FOXO3: variants seen among roughly 807,000 people sequenced by gnomAD.
FOXO3 encodes the protein forkhead box O3, also known as forkhead box protein O3.
A neutral mutation model predicts 41.9 loss-of-function variants in FOXO3; 4 were observed. The ratio of observed to expected loss-of-function variants is 0.10; its 90% CI spans 0.05 to 0.22. The LOEUF (loss-of-function observed/expected upper bound fraction) is 0.22. Among genes scored for constraint, FOXO3 ranks in the 10% least tolerant of loss-of-function variants. FOXO3 has a pLI of 1.00. For synonymous variants in FOXO3, 318 were observed against 389.3 expected (o/e 0.82, Z 2.16); for missense variants, 534 against 906.8 (o/e 0.59, Z 5.28).
chr6:108,575,055 T>G (rs552116842), intron 1 of FOXO3, among the ~76,000 whole-genome samples: 2 of 152,312 alleles, frequency 1.3e-5, no homozygotes, highest in Admixed American at 1.3e-4. Flanking sequence ...AAGGGACAAC[T>G]CTGGGTACAA....
At chr6:108,594,009 G>A (rs1038215086) in intron 1 of FOXO3, among the ~76,000 whole-genome samples, 6 of 152,152 alleles carry the variant, frequency 3.9e-5, no homozygotes, top group East Asian at 3.9e-4. Context: ...GTGAGCCACC[G>A]TGACCGGCCT....
Position 108,606,465 on chromosome 6 carries a change from A to G in FOXO3, c.621+44636A>G, listed in dbSNP as rs139516206. ...CTTTGGGTTCTTGACACACATGGCA[A>G]TGCCACTGGTATAACAGAAAGTCAG... is the stretch of plus-strand genomic sequence containing the variant. On this transcript the variant is annotated intron_variant, in intron 1 of 2. Transcript: ENST00000406360. Among the ~76,000 whole-genome samples, 163 of 152,340 alleles carry G rather than the reference A, an allele frequency of 1.1e-3. 1 individual carries two copies. The Middle Eastern group carries it at 0.017, about 16-fold the overall frequency.
intron 1 of FOXO3, among the ~76,000 whole-genome samples, chr6:108,565,252 G>A (rs765079808): frequency 1.1e-4 from 17 of 152,194 alleles, no homozygotes; most frequent in Non-Finnish European, 2.1e-4. Context: ...AACAAAAAGA[G>A]GAAGCCCTTG....
At chr6:108,633,450 A>G (rs941168930) in intron 1 of FOXO3, among the ~76,000 whole-genome samples, 21 of 152,206 alleles carry the variant, frequency 1.4e-4, no homozygotes, top group Admixed American at 2.6e-4. Flanking sequence ...GATATATGCA[A>G]CTTAAAAAAA....
chr6:108,613,396 T>C (rs1777414769), intron 1 of FOXO3, among the ~76,000 whole-genome samples: 1 of 152,244 alleles, frequency 6.6e-6, no homozygotes, highest in South Asian at 2.1e-4. Flanking sequence ...TAACTGCTAA[T>C]TCAATTTATT....
intron 1 of FOXO3, among the ~76,000 whole-genome samples, chr6:108,595,670 C>T (rs934353576): frequency 1.3e-5 from 2 of 152,096 alleles, no homozygotes; most frequent in Non-Finnish European, 2.9e-5. Context: ...AAAGCAAAAA[C>T]CATATAAAAT....
chr6:108,601,562 C>T (rs1777057251), intron 1 of FOXO3, among the ~76,000 whole-genome samples: 1 of 152,192 alleles, frequency 6.6e-6, no homozygotes, highest in African/African-American at 2.4e-5. Context: ...CCTTGGCCTC[C>T]CAAAGGGCTG....
intron 1 of FOXO3, among the ~76,000 whole-genome samples, chr6:108,647,019 T>C (rs1443976395): frequency 6.6e-6 from 1 of 152,230 alleles, no homozygotes; most frequent in South Asian, 2.1e-4. Context: ...AGCGTAGTAC[T>C]GCACAAAAGA....
intron 1 of FOXO3, among the ~76,000 whole-genome samples, chr6:108,582,986 C>T (rs1776472701): frequency 6.6e-6 from 1 of 152,098 alleles, no homozygotes; most frequent in Non-Finnish European, 1.5e-5. Flanking sequence ...AGTCCTGAAA[C>T]GCAGTGCCTT....
At chr6:108,559,985 C>T (rs534832468), upstream of FOXO3, 1 of 151,870 alleles carries the variant, frequency 6.6e-6, no homozygotes, top group African/African-American at 2.4e-5. Context: ...CGTGCGTCGT[C>T]CCGCCGCGTC....
intron 1 of FOXO3, among the ~76,000 whole-genome samples, chr6:108,656,044 T>TG (rs935278339): frequency 4.1e-4 from 62 of 152,034 alleles, no homozygotes; most frequent in African/African-American, 1.4e-3. Context: ...GCAGTCGGCC[T>TG]GGTGGGAAGT....
chr6:108,622,623 C>G (rs1362945447), intron 1 of FOXO3, among the ~76,000 whole-genome samples: 1 of 152,124 alleles, frequency 6.6e-6, no homozygotes, highest in Admixed American at 6.5e-5. Flanking sequence ...AACTACCACA[C>G]AAATCCTGAC....
At chr6:108,662,694 GAAAAT>G (rs941340661) in intron 1 of FOXO3, among the ~76,000 whole-genome samples, 10 of 152,322 alleles carry the variant, frequency 6.6e-5, no homozygotes, top group African/African-American at 2.2e-4. Flanking sequence ...GGGACCATGA[GAAAAT>G]AAAATAGCCC....
At chr6:108,617,370 C>G (rs577315729) in intron 1 of FOXO3, among the ~76,000 whole-genome samples, 2 of 152,038 alleles carry the variant, frequency 1.3e-5, no homozygotes, top group Admixed American at 1.3e-4. Context: ...ACTTGGATAC[C>G]AGGCATTGTG....
In FOXO3 at chr6:108,666,753, A is replaced by G. The variant is rs190060451; in HGVS notation, c.*34+1864A>G. On this transcript the variant is annotated intron_variant, in intron 2 of 2. Coordinates refer to ENST00000406360, the MANE Select transcript of FOXO3 (RefSeq NM_001455.4). ...GGGAAGTGCCCTGAACTGGAGTCAAAGTAGCAGATGATAGACAAGCTTTCC... is the reference window on the plus strand; with the variant it reads ...GGGAAGTGCCCTGAACTGGAGTCAAGGTAGCAGATGATAGACAAGCTTTCC... 5.6e-3 allele frequency among the ~76,000 whole-genome samples: 847 copies of G among 151,252 alleles called. 3 individuals carry two copies. The highest frequency in any genetic ancestry group is 9.5e-3 in the Non-Finnish European group (649 of 68,004).
At chr6:108,616,749 C>T (rs987408093) in intron 1 of FOXO3, among the ~76,000 whole-genome samples, 1 of 152,160 alleles carries the variant, frequency 6.6e-6, no homozygotes, top group Non-Finnish European at 1.5e-5. Context: ...AGAATACTTT[C>T]GTCACCCCAC....
chr6:108,616,652 T>G (rs1380690753), intron 1 of FOXO3, among the ~76,000 whole-genome samples: 1 of 151,970 alleles, frequency 6.6e-6, no homozygotes, highest in Admixed American at 6.6e-5. Context: ...GCCATATAAT[T>G]TACCAATTTA....
At chr6:108,560,860 T>A (rs1582719597), upstream of FOXO3, 1 of 755,448 alleles carries the variant, frequency 1.3e-6, no homozygotes, top group Admixed American at 4.6e-5. Context: ...GGGAGGGGGC[T>A]GCCCCGCGCG....
intron 1 of FOXO3, among the ~76,000 whole-genome samples, chr6:108,585,322 C>T (rs1458484674): frequency 1.3e-5 from 2 of 152,202 alleles, no homozygotes; most frequent in Non-Finnish European, 1.5e-5. Flanking sequence ...GGATTACAGG[C>T]GTGAGCCACC....
Sources: gnomAD v4.1 joint callset for allele counts (sites outside exome capture counted in the v4.1 genomes callset) on GRCh38, gnomAD v4.1.1 for gene constraint, MANE v1.5 for transcripts, NCBI Gene and HGNC (gene_info 2026-07-23, HGNC 2026-07-21) for gene names.